SLC4A3: variants seen among roughly 807,000 people sequenced by gnomAD.
SLC4A3 encodes the protein anion exchange protein 3.
In SLC4A3, 47 loss-of-function variants were observed where a neutral mutation model predicts 114.2. The observed-to-expected ratio is 0.41, with a 90% CI of 0.33 to 0.52. SLC4A3 has a LOEUF of 0.52. Ranked by LOEUF, SLC4A3 falls within the 20% of genes least tolerant of loss-of-function variation. The pLI, the probability that SLC4A3 is intolerant of heterozygous loss-of-function variation, is 0.21. For missense variants in SLC4A3, 1,312 were observed against 1,668.3 expected, an observed-to-expected ratio of 0.79 and a Z score of 3.72; for synonymous variants, 693 against 710.3, an observed-to-expected ratio of 0.98 and a Z score of 0.39.
At position 219,637,937 on chromosome 2, in the gene SLC4A3, C is replaced by G; in HGVS notation, c.2766+126C>G. 1 of 778,222 alleles carries G rather than the reference C, an allele frequency of 1.3e-6. No individual in the cohort carries two copies. The highest frequency in any genetic ancestry group is 2.2e-6 in the Non-Finnish European group (1 of 464,702). 48.2% of individuals were successfully genotyped at this position (778,222 alleles called of 1,614,324 possible). On this transcript the variant is annotated intron_variant, in intron 17 of 22. Transcript: ENST00000358055. The surrounding 1 kb of genome is among the most constrained non-coding windows in gnomAD (Gnocchi z 4.6). ...AAAACCCAGCTCGGGCAGCCCCTCACCCCTTCGGAAGCCTCTTCCCTGGGT... is the reference window on the plus strand; with the variant it reads ...AAAACCCAGCTCGGGCAGCCCCTCAGCCCTTCGGAAGCCTCTTCCCTGGGT...
chr2:219,638,280 T>G lies in SLC4A3; in HGVS notation c.2856+27T>G, dbSNP rs761605138. ...TGAGGGAGCCCCAGCCTGTGGCAGC[T>G]GCTGTCACCCCCAGGCCAGGAGAGG... is the stretch of plus-strand genomic sequence containing the variant. On this transcript the variant is annotated intron_variant, in intron 18 of 22. Coordinates refer to ENST00000358055, the MANE Select transcript of SLC4A3 (RefSeq NM_005070.4). This position sits in a 1 kb window ranked among gnomAD's most constrained non-coding sequence, Gnocchi z 7.5. 1 of 1,540,194 alleles carries G rather than the reference T, an allele frequency of 6.5e-7. No individual in the cohort carries two copies. Among genetic ancestry groups the G allele is most frequent in the Non-Finnish European group, 9.0e-7 (1 of 1,116,974 alleles).
Position 219,639,375 on chromosome 2 carries a change from T to C in SLC4A3, c.3024-107T>C. The C allele has an allele frequency of 7.5e-7, 1 of 1,336,232 alleles. No individual in the cohort carries two copies. The highest frequency in any genetic ancestry group is 1.3e-5 in the South Asian group (1 of 76,584). 82.8% of individuals were successfully genotyped at this position (1,336,232 alleles called of 1,614,324 possible). A position where few individuals can be genotyped will look rare whatever the true frequency, so the allele number is the denominator to read the frequency against. On this transcript the variant is annotated intron_variant, in intron 19 of 22. Transcript: ENST00000358055. The surrounding 1 kb of genome is among the most constrained non-coding windows in gnomAD (Gnocchi z 5.9). ...AAGCTGGCAGTCCTAGGGAGAACTG[T>C]TGTCTGCACGTCCTCCCCCCACCAT... is the stretch of plus-strand genomic sequence containing the variant.
chr2:219,630,984 C>A lies in SLC4A3; in HGVS notation c.811+632C>A. Reference sequence around the variant, plus strand: ...ATACGTCATGGAAAGTTGCCAGGGCCTGAGGACAGGGACAGGAACAATCCG... The same window carrying A: ...ATACGTCATGGAAAGTTGCCAGGGCATGAGGACAGGGACAGGAACAATCCG... On this transcript the variant is annotated intron_variant, in intron 6 of 22. Transcript: ENST00000358055. The surrounding 1 kb of genome is among the most constrained non-coding windows in gnomAD (Gnocchi z 6.9). 2.5e-6 allele frequency: 1 copy of A among 397,016 alleles called. No homozygotes were observed. Among genetic ancestry groups the A allele is most frequent in the South Asian group, 6.4e-5 (1 of 15,558 alleles). The allele number at this position is 397,016 out of a possible 1,614,324, so 24.6% of individuals were successfully genotyped here.
chr2:219,632,957 A>T lies in SLC4A3; in HGVS notation c.1225A>T (p.Ile409Phe). 6.2e-7 allele frequency: 1 copy of T among 1,613,966 alleles called. No homozygotes were observed. The highest frequency in any genetic ancestry group is 2.2e-5 in the East Asian group (1 of 44,818). ...GGAGACCATGATTGTGTCTGACCAG[A>T]TCCGGCCGGAGGACAGGGCCAGCGT... ...VVETMIVSDQIRPEDRASVLR... is the reference protein window; with the variant it reads ...VVETMIVSDQFRPEDRASVLR... The change falls in exon 9 of 23, where the codon ATC (isoleucine) becomes TTC (phenylalanine). Residue 409 changes from isoleucine to phenylalanine, a missense_variant. Ile to Phe is a conservative substitution (Grantham distance 21). Transcript: ENST00000358055.
Position 219,641,884 on chromosome 2 carries a change from C to G in SLC4A3, c.*156C>G. ...ATGGCTAGAGTGGCCCCCCTGACTT[C>G]TGCCCGGGGTGTTGACCTCGCCTCA... is the stretch of plus-strand genomic sequence containing the variant. On this transcript the variant is annotated 3_prime_UTR_variant, in exon 23 of 23. Coordinates refer to ENST00000358055, the MANE Select transcript of SLC4A3 (RefSeq NM_005070.4). The surrounding 1 kb of genome is among the most constrained non-coding windows in gnomAD (Gnocchi z 4.0). The G allele has an allele frequency of 1.6e-6, 1 of 621,956 alleles. No homozygotes were observed. Among genetic ancestry groups the G allele is most frequent in the Non-Finnish European group, 2.9e-6 (1 of 348,722 alleles). The allele number at this position is 621,956 out of a possible 1,614,324, so 38.5% of individuals were successfully genotyped here.
rs71352188 is a variant in SLC4A3, at chr2:219,627,874, A to G, written c.-93-26A>G. The G allele has an allele frequency of 7.1e-3, 5,675 of 795,994 alleles. 40 individuals are homozygous for G. Among genetic ancestry groups the G allele is most frequent in the Middle Eastern group, 0.02 (54 of 2,664 alleles). The allele number at this position is 795,994 out of a possible 1,614,324, so 49.3% of individuals were successfully genotyped here. A position where few individuals can be genotyped will look rare whatever the true frequency, so the allele number is the denominator to read the frequency against. On this transcript the variant is annotated intron_variant, in intron 1 of 22. Transcript: ENST00000358055. ...CCGGGTGGGGGGCGCCAGCGCAAGGAACCTGACCCCGCCCTCCTCCCCCAG... is the reference window on the plus strand; with the variant it reads ...CCGGGTGGGGGGCGCCAGCGCAAGGGACCTGACCCCGCCCTCCTCCCCCAG...
chr2:219,636,246 A>T lies in SLC4A3; in HGVS notation c.2192-56A>T. The T allele has an allele frequency of 6.2e-7, 1 of 1,603,876 alleles. No individual in the cohort carries two copies. Among genetic ancestry groups the T allele is most frequent in the African/African-American group, 1.3e-5 (1 of 74,868 alleles). ...CCCCAGTTTAGGACAAGCTAGATGA[A>T]GAAGGGGGCAGATAGACAGAGCCAG... On this transcript the variant is annotated intron_variant, in intron 14 of 22. Coordinates refer to ENST00000358055, the MANE Select transcript of SLC4A3 (RefSeq NM_005070.4). The surrounding 1 kb of genome is among the most constrained non-coding windows in gnomAD (Gnocchi z 5.5).
Position 219,630,384 on chromosome 2 carries a change from C to A in SLC4A3, c.811+32C>A. 6.4e-7 allele frequency: 1 copy of A among 1,567,588 alleles called. No homozygotes were observed. The highest frequency in any genetic ancestry group is 1.2e-5 in the South Asian group (1 of 86,900). ...GAGACCTTGTGGCAGCCCCCATGGT[C>A]CACTGCGACGGACTCCCAGCCTGCG... On this transcript the variant is annotated intron_variant, in intron 6 of 22. Transcript: ENST00000358055. The surrounding 1 kb of genome is among the most constrained non-coding windows in gnomAD (Gnocchi z 6.9).
chr2:219,635,753 C>A lies in SLC4A3; in HGVS notation c.2053C>A (p.Leu685Ile). 1 of 1,595,106 alleles carries A rather than the reference C, an allele frequency of 6.3e-7. No homozygotes were observed. The highest frequency in any genetic ancestry group is 8.5e-7 in the Non-Finnish European group (1 of 1,173,356). ...GCGGACGGGCTCGGTATTTGGGGGG[C>A]TTGTGCGGGATGTGAGGCGCCGGTA... ...LLRTGSVFGG[L>I]VRDVRRRYPH... Residue 685 changes from leucine to isoleucine, a missense_variant, in exon 14 of 23, where the codon CTT (leucine) becomes ATT (isoleucine). Physicochemically the swap from Leu to Ile is conservative, Grantham distance 5. Around this residue, in one of 4 missense-constraint regions of SLC4A3, gnomAD observed 771 missense variants for 977.7 expected, o/e 0.79. Transcript: ENST00000358055.
rs1699009507 is a variant in SLC4A3, at chr2:219,633,442, C to G, written c.1446C>G (p.Asp482Glu). The G allele has an allele frequency of 1.3e-6, 2 of 1,549,294 alleles. No homozygotes were observed. The highest frequency in any genetic ancestry group is 1.7e-6 in the Non-Finnish European group (2 of 1,147,734). Residue 482 changes from aspartate (D) to glutamate (E), a missense_variant, in exon 10 of 23, where the codon GAC becomes GAG. Asp to Glu is a conservative substitution (Grantham distance 45). This residue lies in a region of SLC4A3 where 771 missense variants were observed against 977.7 expected (regional missense o/e 0.79). Transcript: ENST00000358055. ...AGCCAGCCCCACTCTGGCCACATGA[C>G]CCTGACGCCAAGGAGGTCAGTGCCC... ...LGEPAPLWPH[D>E]PDAKEKPLHM...
In SLC4A3 at chr2:219,631,993, T is replaced by C. The variant is rs1397383214; in HGVS notation, c.837T>C (p.Gly279=). Reference sequence around the variant, plus strand: ...GTCACCGACTGGAGGACAACCCTGGTGTGCGGCGACACTTAGTGAAAAAGC... The same window carrying C: ...GTCACCGACTGGAGGACAACCCTGGCGTGCGGCGACACTTAGTGAAAAAGC... ...MKSHRLEDNP[G]VRRHLVKKPS... The change falls in exon 7 of 23, where the codon GGT becomes GGC. Residue 279 remains glycine (G), a synonymous_variant. Coordinates refer to ENST00000358055, the MANE Select transcript of SLC4A3 (RefSeq NM_005070.4). This position sits in a 1 kb window ranked among gnomAD's most constrained non-coding sequence, Gnocchi z 6.3. 6.2e-7 allele frequency: 1 copy of C among 1,611,626 alleles called. No individual in the cohort carries two copies. The highest frequency in any genetic ancestry group is 2.2e-5 in the East Asian group (1 of 44,778).
Position 219,641,045 on chromosome 2 carries a change from TGTTA to T in SLC4A3, c.3621+87_3621+90del. ...TCTCTGTTTGGCCACCCACTAGTTG[TGTTA>T]GTTGTGAAACTTGTGTAACTTGTGT... On this transcript the variant is annotated intron_variant, in intron 22 of 22. Coordinates refer to ENST00000358055, the MANE Select transcript of SLC4A3 (RefSeq NM_005070.4). The surrounding 1 kb of genome is among the most constrained non-coding windows in gnomAD (Gnocchi z 4.0). The T allele has an allele frequency of 7.5e-7, 1 of 1,328,558 alleles. No homozygotes were observed. Among genetic ancestry groups the T allele is most frequent in the Non-Finnish European group, 1.0e-6 (1 of 967,226 alleles). 82.3% of individuals were successfully genotyped at this position (1,328,558 alleles called of 1,614,324 possible).
At chr2:219,640,754 C>T (rs764734149) in intron 21 of SLC4A3, 35 bp from the exon 22 acceptor site, 46 of 1,599,904 alleles carry the variant, frequency 2.9e-5, no homozygotes, top group Middle Eastern at 2.0e-4. Flanking sequence ...CAGGCCGGGA[C>T]GCTGTGCACT....
In SLC4A3 at chr2:219,632,431, C is replaced by T. The variant is rs1443730508; in HGVS notation, c.1130C>T (p.Thr377Ile). Residue 377 changes from threonine (T) to isoleucine (I), a missense_variant, in exon 8 of 23, where the codon ACC becomes ATC. This residue lies in a region of SLC4A3 where 771 missense variants were observed against 977.7 expected (regional missense o/e 0.79). Coordinates refer to ENST00000358055, the MANE Select transcript of SLC4A3 (RefSeq NM_005070.4). The part of the protein sequence containing the change: ...SFRSLLELRR[T>I]IAHGAALLDL... ...CGTAGCCTTCTGGAGCTCAGGAGGA[C>T]CATCGCCCATGGTAGGGACCCCCAG... 1 of 1,594,498 alleles carries T rather than the reference C, an allele frequency of 6.3e-7. No homozygotes were observed. Among genetic ancestry groups the T allele is most frequent in the East Asian group, 2.2e-5 (1 of 44,824 alleles).
intron 10 of SLC4A3, 70 bp from the exon 11 acceptor site, chr2:219,633,810 G>T: frequency 6.5e-7 from 1 of 1,546,520 alleles, no homozygotes; most frequent in Non-Finnish European, 8.7e-7. Context: ...CAGGGCTGGA[G>T]CCAGGGCTGG....
At position 219,629,187 on chromosome 2, in the gene SLC4A3, G is replaced by A. The variant is rs750158608; in HGVS notation, c.261G>A (p.Ala87=). The change falls in exon 4 of 23, where the codon GCG becomes GCA. Residue 87 remains alanine (A), a synonymous_variant. Coordinates refer to ENST00000358055, the MANE Select transcript of SLC4A3 (RefSeq NM_005070.4). The part of the protein sequence containing the change: ...TSHHTHHPLS[A]RLPPPHKLRR... ...ACCACACCCACCACCCGCTCTCAGC[G>A]CGCCTGCCTCCACCCCACAAGCTGC... The A allele has an allele frequency of 1.2e-5, 19 of 1,609,836 alleles. No homozygotes were observed. Among genetic ancestry groups the A allele is most frequent in the Middle Eastern group, 1.7e-4 (1 of 6,038 alleles).
rs1470742153 is a variant in SLC4A3 at position 219,628,009 on chromosome 2, T to A, written c.17T>A (p.Ile6Asn). 1 of 1,595,456 alleles carries A rather than the reference T, an allele frequency of 6.3e-7. No homozygotes were observed. The highest frequency in any genetic ancestry group is 2.3e-5 in the East Asian group (1 of 43,080). MANGVIPPPGGASPLP... is the reference protein window; with the variant it reads MANGVNPPPGGASPLP... ...TACCTGGCCATGGCCAACGGAGTGA[T>A]CCCGCCGCCCGGGGGCGCCTCCCCC... The change falls in exon 2 of 23, where the codon ATC becomes AAC. Residue 6 changes from isoleucine (I) to asparagine (N), a missense_variant. By Grantham distance (149) the Ile-to-Asn change is moderately radical. Coordinates refer to ENST00000358055, the MANE Select transcript of SLC4A3 (RefSeq NM_005070.4). This position sits in a 1 kb window ranked among gnomAD's most constrained non-coding sequence, Gnocchi z 4.8.
chr2:219,634,994 C>A (rs1203315545), intron 12 of SLC4A3, among the ~76,000 whole-genome samples: 3 of 152,138 alleles, frequency 2.0e-5, no homozygotes, highest in Non-Finnish European at 4.4e-5. Flanking sequence ...GCTCTGGAAG[C>A]CCCTGCTCTG....
Position 219,630,167 on chromosome 2 carries a change from G to A in SLC4A3, c.626G>A (p.Arg209Gln), listed in dbSNP as rs778676773. ...TGCCTCCCCAGCTCCCCCAGCCCCC[G>A]GGCCCGGGCCTCCCGACTCGCTGGG... ...PQHSSSSPSPRARASRLAGEK... is the reference protein window; with the variant it reads ...PQHSSSSPSPQARASRLAGEK... Residue 209 changes from arginine to glutamine, a missense_variant, in exon 6 of 23, where the codon CGG becomes CAG. Arg to Gln is a conservative substitution (Grantham distance 43, BLOSUM62 1). Coordinates refer to ENST00000358055, the MANE Select transcript of SLC4A3 (RefSeq NM_005070.4). This position sits in a 1 kb window ranked among gnomAD's most constrained non-coding sequence, Gnocchi z 6.9. 4 of 1,606,618 alleles carry A rather than the reference G, an allele frequency of 2.5e-6. No homozygotes were observed. The South Asian group carries it at 3.3e-5, about 13-fold the overall frequency.
Sources: allele counts gnomAD v4.1 joint callset (sites outside exome capture counted in the v4.1 genomes callset), GRCh38; gene constraint gnomAD v4.1.1; regional missense constraint gnomAD v4.1.1; non-coding constraint Gnocchi (gnomAD v3.1); transcripts MANE v1.5; gene names NCBI Gene and HGNC (gene_info 2026-07-23, HGNC 2026-07-21).